CHD6: variants seen among roughly 807,000 people sequenced by gnomAD.
The protein encoded by CHD6 is chromodomain helicase DNA binding protein 6, also known as ATP-dependent chromatin remodeler CHD6.
Under a neutral mutation model 276.9 loss-of-function variants are expected in CHD6, and 50 were observed. The ratio of observed to expected loss-of-function variants is 0.18; its 90% confidence interval spans 0.14 to 0.23. The LOEUF (loss-of-function observed/expected upper bound fraction) is 0.23, where lower values mean the gene tolerates loss of function less well. Among genes scored for constraint, CHD6 ranks in the 10% least tolerant of loss-of-function variants. The pLI, the probability that CHD6 is intolerant of heterozygous loss-of-function variation, is 1.00. For synonymous variants in CHD6, 1,173 were observed against 1,229.3 expected, an observed-to-expected ratio of 0.95 and a Z score of 0.96; for missense variants, 2,564 against 3,365.8, an observed-to-expected ratio of 0.76 and a Z score of 5.89.
At chr20:41,412,512 G>C (rs898323447) in intron 35 of CHD6, among the ~76,000 whole-genome samples, 1 of 152,294 alleles carries the variant, frequency 6.6e-6, no homozygotes, top group East Asian at 1.9e-4. Context: ...TAGAACACCT[G>C]AGCCGATTCA....
intron 24 of CHD6, among the ~76,000 whole-genome samples, chr20:41,446,933 A>G (rs1357389924): frequency 1.3e-5 from 2 of 152,208 alleles, no homozygotes; most frequent in East Asian, 1.9e-4. Context: ...TCTGCCAGGT[A>G]ACACTTGATG....
At chr20:41,582,819 A>AT (rs1309334880) in intron 1 of CHD6, among the ~76,000 whole-genome samples, 2 of 152,216 alleles carry the variant, frequency 1.3e-5, no homozygotes, top group Admixed American at 6.5e-5. Flanking sequence ...AAATGGTATA[A>AT]TTTTTTTAAG....
chr20:41,572,033 T>C (rs1392960763), intron 1 of CHD6, among the ~76,000 whole-genome samples: 1 of 152,244 alleles, frequency 6.6e-6, no homozygotes, highest in Non-Finnish European at 1.5e-5. Context: ...ATCTGTGTTC[T>C]TGTACTTAGC....
intron 1 of CHD6, among the ~76,000 whole-genome samples, chr20:41,572,390 A>G (rs1324129101): frequency 1.3e-5 from 2 of 152,110 alleles, no homozygotes; most frequent in Non-Finnish European, 2.9e-5. Flanking sequence ...AGGCCTGGTG[A>G]CCACCTTCCT....
chr20:41,566,789 T>C (rs777826177), intron 1 of CHD6, among the ~76,000 whole-genome samples: 5 of 152,186 alleles, frequency 3.3e-5, no homozygotes, highest in Non-Finnish European at 7.3e-5. Flanking sequence ...CCGCAGGCTA[T>C]GAGTGTACGT....
Position 41,404,010 on chromosome 20 carries a change from T to C in CHD6, c.*583A>G. 1 of 1,051,628 alleles carries C rather than the reference T, an allele frequency of 9.5e-7. No homozygotes were observed. Among genetic ancestry groups the C allele is most frequent in the Non-Finnish European group, 1.1e-6 (1 of 870,486 alleles). 65.1% of individuals were successfully genotyped at this position (1,051,628 alleles called of 1,614,324 possible). ...ATTATATTACTACCGGTAAGGTTTT[T>C]GTTTTTTATAAAGAAATGAATATAT... is the stretch of plus-strand genomic sequence containing the variant. On this transcript the variant is annotated 3_prime_UTR_variant, in exon 37 of 37. Coordinates refer to ENST00000373233, the MANE Select transcript of CHD6 (RefSeq NM_032221.5).
At chr20:41,413,966 G>A (rs563066683) in intron 34 of CHD6, 1 of 152,918 alleles carries the variant, frequency 6.5e-6, no homozygotes, top group Admixed American at 6.5e-5. Context: ...CTATAATGGG[G>A]TCTATAACAA....
intron 10 of CHD6, among the ~76,000 whole-genome samples, chr20:41,492,366 G>C (rs566228968): frequency 6.6e-6 from 1 of 152,224 alleles, no homozygotes; most frequent in South Asian, 2.1e-4. Context: ...TCTGCATCTC[G>C]AGACACCTCT....
intron 17 of CHD6, among the ~76,000 whole-genome samples, chr20:41,466,393 C>T (rs2145744657): frequency 6.6e-6 from 1 of 152,184 alleles, no homozygotes; most frequent in African/African-American, 2.4e-5. Context: ...TAGTGATAGT[C>T]TTCATTCTTT....
chr20:41,462,438 T>G (rs1019636802), intron 17 of CHD6, among the ~76,000 whole-genome samples: 4 of 152,228 alleles, frequency 2.6e-5, no homozygotes, highest in African/African-American at 7.2e-5. Context: ...TGTATAGTGT[T>G]TTAAATACAC....
At chr20:41,590,911 G>A (rs372464663) in intron 1 of CHD6, among the ~76,000 whole-genome samples, 3 of 151,364 alleles carry the variant, frequency 2.0e-5, no homozygotes, top group African/African-American at 4.9e-5. Context: ...ACATGCACAC[G>A]TATGTTTACT....
Position 41,445,917 on chromosome 20 carries a change from G to A in CHD6, c.3774-149C>T, listed in dbSNP as rs972346849. The A allele has an allele frequency of 5.1e-6, 3 of 585,642 alleles. No homozygotes were observed. In the East Asian group the frequency reaches 8.3e-5, roughly 16 times the overall value. The allele number at this position is 585,642 out of a possible 1,614,324, so 36.3% of individuals were successfully genotyped here. A position where few individuals can be genotyped will look rare whatever the true frequency, so the allele number is the denominator to read the frequency against. ...GCTGTGGGTCATTGTTTCTCAACCA[G>A]GGCTTTGCATGAGAATCACTTAGGC... is the stretch of plus-strand genomic sequence containing the variant. On this transcript the variant is annotated intron_variant, in intron 24 of 36. Transcript: ENST00000373233.
intron 16 of CHD6, among the ~76,000 whole-genome samples, chr20:41,482,907 T>A (rs985289203): frequency 6.6e-6 from 1 of 152,330 alleles, no homozygotes; most frequent in East Asian, 1.9e-4. Flanking sequence ...GTTGCCAGTT[T>A]ATGCTCTTTC....
At chr20:41,504,434 A>C (rs1235006488) in intron 5 of CHD6, among the ~76,000 whole-genome samples, 4 of 117,110 alleles carry the variant, frequency 3.4e-5, no homozygotes, top group Non-Finnish European at 6.6e-5. Flanking sequence ...TTTAGACAGG[A>C]TCTCACTCTG....
At chr20:41,563,959 A>T in intron 1 of CHD6, 1 of 738,634 alleles carries the variant, frequency 1.4e-6, no homozygotes, top group Non-Finnish European at 2.5e-6. Context: ...CAGTAACACA[A>T]GAACTTTTCA....
intron 1 of CHD6, among the ~76,000 whole-genome samples, chr20:41,575,120 C>A (rs1264021912): frequency 6.6e-6 from 1 of 152,194 alleles, no homozygotes; most frequent in African/African-American, 2.4e-5. Flanking sequence ...GCGTGTACAT[C>A]AAGTAATCAA....
intron 2 of CHD6, among the ~76,000 whole-genome samples, chr20:41,541,845 A>T (rs1202098944): frequency 6.6e-6 from 1 of 152,198 alleles, no homozygotes; most frequent in African/African-American, 2.4e-5. Context: ...CTCTACTTCC[A>T]TATTTTTGCA....
Position 41,404,165 on chromosome 20 carries a change from G to A in CHD6, c.*428C>T. 2.8e-6 allele frequency: 3 copies of A among 1,062,504 alleles called. No individual in the cohort carries two copies. Among genetic ancestry groups the A allele is most frequent in the Non-Finnish European group, 3.4e-6 (3 of 878,212 alleles). 65.8% of individuals were successfully genotyped at this position (1,062,504 alleles called of 1,614,324 possible). ...TTTTCTGTGCTTTTTGGTTCCCTGT[G>A]ACATTCTTCCTGTGCAACCCAGCTC... On this transcript the variant is annotated 3_prime_UTR_variant, in exon 37 of 37. Transcript: ENST00000373233.
intron 27 of CHD6, among the ~76,000 whole-genome samples, chr20:41,433,898 A>G (rs931588464): frequency 6.6e-6 from 1 of 152,200 alleles, no homozygotes; most frequent in African/African-American, 2.4e-5. Context: ...ACGGTGATAC[A>G]TTACATATAA....
Sources: gnomAD v4.1 joint callset for allele counts (sites outside exome capture counted in the v4.1 genomes callset) on GRCh38, gnomAD v4.1.1 for gene constraint, MANE v1.5 for transcripts, NCBI Gene and HGNC (gene_info 2026-07-23, HGNC 2026-07-21) for gene names.